The following ATP8A2 variants were observed in gnomAD, a reference collection of about 807,000 sequenced individuals.
The protein encoded by ATP8A2 is phospholipid-transporting ATPase IB.
A neutral mutation model predicts 165.6 loss-of-function variants in ATP8A2; 100 were observed. The ratio of observed to expected loss-of-function variants is 0.60; its 90% CI spans 0.51 to 0.71. The LOEUF (loss-of-function observed/expected upper bound fraction) is 0.71, where lower values mean the gene tolerates loss of function less well. Ranked by LOEUF, ATP8A2 falls within the 30% of genes least tolerant of loss-of-function variation. ATP8A2 has a pLI of 0.00. For missense variants in ATP8A2, 1,227 were observed against 1,479.5 expected (o/e 0.83, Z 2.80); for synonymous variants, 543 against 548.8 (o/e 0.99, Z 0.15).
chr13:25,681,955 G>T, intron 24 of ATP8A2, among the ~76,000 whole-genome samples: 1 of 152,144 alleles, frequency 6.6e-6, no homozygotes, highest in East Asian at 1.9e-4. Context: ...ATGGGTCCCC[G>T]TCGAGTGACG....
intron 24 of ATP8A2, among the ~76,000 whole-genome samples, chr13:25,606,590 A>G (rs1042751255): frequency 2.0e-5 from 3 of 152,170 alleles, no homozygotes; most frequent in African/African-American, 7.2e-5. Context: ...ATTTTTGTCC[A>G]ACTGAGCATA....
intron 24 of ATP8A2, among the ~76,000 whole-genome samples, chr13:25,688,995 G>T (rs1338238161): frequency 6.6e-6 from 1 of 152,148 alleles, no homozygotes; most frequent in African/African-American, 2.4e-5. Flanking sequence ...GTTTTCATTT[G>T]CTGTTTGCAC....
intron 24 of ATP8A2, among the ~76,000 whole-genome samples, chr13:25,671,146 A>G (rs187407263): frequency 2.3e-4 from 35 of 152,226 alleles, no homozygotes; most frequent in Non-Finnish European, 3.5e-4. Flanking sequence ...CTTTATTGCA[A>G]TCTCTAAACA....
At chr13:25,943,001 A>G (rs1224482018) in intron 33 of ATP8A2, among the ~76,000 whole-genome samples, 2 of 151,992 alleles carry the variant, frequency 1.3e-5, no homozygotes, top group African/African-American at 2.4e-5. Flanking sequence ...GAGGTTTTTC[A>G]TGTCCCCGCT....
chr13:25,442,188 G>C (rs903014618), intron 1 of ATP8A2, among the ~76,000 whole-genome samples: 1 of 152,184 alleles, frequency 6.6e-6, no homozygotes, highest in African/African-American at 2.4e-5. Context: ...GCTGTGAATA[G>C]TGCTGCTATA....
Position 25,862,427 on chromosome 13 carries a change from G to T in ATP8A2, c.3183+19G>T, listed in dbSNP as rs754217628. 7.0e-6 allele frequency: 11 copies of T among 1,572,878 alleles called. No homozygotes were observed. The highest frequency in any genetic ancestry group is 8.8e-6 in the Non-Finnish European group (10 of 1,142,484). On this transcript the variant is annotated intron_variant, in intron 33 of 36. Transcript: ENST00000381655. ...AGGACAGGTAAGTACTCCTGATTGGGAGTGTGTCTTCTGTGTCTTGTGACA... is the reference window on the plus strand; with the variant it reads ...AGGACAGGTAAGTACTCCTGATTGGTAGTGTGTCTTCTGTGTCTTGTGACA...
chr13:25,614,957 G>A (rs777410862), intron 24 of ATP8A2, among the ~76,000 whole-genome samples: 1 of 152,186 alleles, frequency 6.6e-6, no homozygotes, highest in African/African-American at 2.4e-5. Context: ...TTTTTGTTTA[G>A]TGCACTTGTT....
intron 2 of ATP8A2, among the ~76,000 whole-genome samples, chr13:25,484,494 ATTATTTAT>A (rs1271000381): frequency 6.6e-6 from 1 of 151,926 alleles, no homozygotes; most frequent in Non-Finnish European, 1.5e-5. Flanking sequence ...ATAAAGGAAT[ATTATTTAT>A]TTATTTATTT....
At chr13:25,459,655 T>G (rs2035454689) in intron 1 of ATP8A2, among the ~76,000 whole-genome samples, 1 of 152,202 alleles carries the variant, frequency 6.6e-6, no homozygotes, top group African/African-American at 2.4e-5. Context: ...AAGTGACATT[T>G]AAGCTGATGC....
intron 1 of ATP8A2, among the ~76,000 whole-genome samples, chr13:25,408,475 G>C (rs906775086): frequency 2.6e-5 from 4 of 152,048 alleles, no homozygotes; most frequent in Non-Finnish European, 5.9e-5. Context: ...GAGCAGTGAA[G>C]ACTTGTACGC....
intron 2 of ATP8A2, among the ~76,000 whole-genome samples, chr13:25,522,798 G>T (rs765974219): frequency 6.6e-6 from 1 of 152,156 alleles, no homozygotes; most frequent in East Asian, 1.9e-4. Context: ...ATATGTTGGT[G>T]AATTCATTTT....
chr13:25,463,095 G>A (rs1269267874), intron 1 of ATP8A2, among the ~76,000 whole-genome samples: 2 of 150,180 alleles, frequency 1.3e-5, no homozygotes, highest in African/African-American at 4.9e-5. Context: ...GCTGGTGTAG[G>A]AAGGAAGATG....
chr13:25,528,656 A>G (rs2137890977), intron 2 of ATP8A2, among the ~76,000 whole-genome samples: 1 of 152,122 alleles, frequency 6.6e-6, no homozygotes, highest in South Asian at 2.1e-4. Context: ...AACCTGCTAG[A>G]TAATCTTTTT....
At chr13:25,624,687 A>G (rs1469235565) in intron 24 of ATP8A2, among the ~76,000 whole-genome samples, 1 of 152,190 alleles carries the variant, frequency 6.6e-6, no homozygotes, top group Non-Finnish European at 1.5e-5. Flanking sequence ...GTGATTTGCT[A>G]TTAATTGGGT....
intron 27 of ATP8A2, among the ~76,000 whole-genome samples, chr13:25,825,025 C>T (rs576908939): frequency 8.3e-4 from 125 of 151,474 alleles, no homozygotes; most frequent in African/African-American, 2.5e-3. Flanking sequence ...TCTGTAGATT[C>T]GGTCTGCTGT....
At chr13:25,423,845 G>A (rs1205304698) in intron 1 of ATP8A2, among the ~76,000 whole-genome samples, 1 of 152,162 alleles carries the variant, frequency 6.6e-6, no homozygotes, top group Non-Finnish European at 1.5e-5. Flanking sequence ...GAGGCTAAAT[G>A]TCTCCCTTTA....
intron 2 of ATP8A2, among the ~76,000 whole-genome samples, chr13:25,499,400 G>T (rs1420848244): frequency 1.3e-5 from 2 of 152,206 alleles, no homozygotes; most frequent in African/African-American, 4.8e-5. Context: ...GACGCACTTG[G>T]CCCTGATAAC....
At chr13:25,990,875 G>A (rs1956376392) in intron 35 of ATP8A2, among the ~76,000 whole-genome samples, 1 of 152,142 alleles carries the variant, frequency 6.6e-6, no homozygotes, top group African/African-American at 2.4e-5. Flanking sequence ...TTTGCTTGGG[G>A]TCTCTCCAGG....
rs369348006 is a variant in ATP8A2 at position 25,861,751 on chromosome 13, A to G, written c.3076-550A>G. Reference sequence around the variant, plus strand: ...ATTAGATTGTGGGGTGTGAAGAGAGAAAGAAGTCAAGGATCATCACATTAA... The same window carrying G: ...ATTAGATTGTGGGGTGTGAAGAGAGGAAGAAGTCAAGGATCATCACATTAA... On this transcript the variant is annotated intron_variant, in intron 32 of 36. Transcript: ENST00000381655. Among the ~76,000 whole-genome samples the G allele has an allele frequency of 3.3e-5, 5 of 152,318 alleles. No individual in the cohort carries two copies. The East Asian group carries it at 5.8e-4, about 18-fold the overall frequency.
Sources: gnomAD v4.1 joint callset for allele counts (sites outside exome capture counted in the v4.1 genomes callset) on GRCh38, gnomAD v4.1.1 for gene constraint, MANE v1.5 for transcripts, NCBI Gene and HGNC (gene_info 2026-07-23, HGNC 2026-07-21) for gene names.